Variants in TNFAIP8L1 observed in about 807,000 individuals in gnomAD.
TNFAIP8L1 encodes the protein tumor necrosis factor alpha-induced protein 8-like protein 1.
For missense variants in TNFAIP8L1, 225 were observed against 266.1 expected (o/e 0.85, Z 1.08); for synonymous variants, 127 against 125.6 (o/e 1.01, Z -0.08).
intron 1 of TNFAIP8L1, among the ~76,000 whole-genome samples, chr19:4,648,835 C>G (rs2088335505): frequency 1.3e-5 from 2 of 152,234 alleles, no homozygotes; most frequent in South Asian, 4.1e-4. Flanking sequence ...AGGCCTTTTC[C>G]TCTTCGAGTC....
intron 1 of TNFAIP8L1, among the ~76,000 whole-genome samples, chr19:4,648,272 C>T (rs1233468213): frequency 6.6e-6 from 1 of 152,216 alleles, no homozygotes; most frequent in Non-Finnish European, 1.5e-5. Flanking sequence ...GGGCGATGCC[C>T]CTAGGCCCCA....
At position 4,655,043 on chromosome 19, in the gene TNFAIP8L1, TCAC is replaced by T. The variant is rs1040557459; in HGVS notation, c.*2614_*2616del. 2.6e-5 allele frequency: 4 copies of T among 152,130 alleles called. No individual in the cohort carries two copies. Among genetic ancestry groups the T allele is most frequent in the Non-Finnish European group, 5.9e-5 (4 of 68,030 alleles). 9.4% of individuals were successfully genotyped at this position (152,130 alleles called of 1,614,324 possible). On this transcript the variant is annotated 3_prime_UTR_variant, in exon 2 of 2. Coordinates refer to ENST00000327473, the MANE Select transcript of TNFAIP8L1 (RefSeq NM_152362.3). The stretch of plus-strand genomic sequence containing the variant: ...TTTGTCTGCATTTAAAACCAAGAGA[TCAC>T]ACACACCTGTCTGGATTTGGAGTTT...
intron 1 of TNFAIP8L1, among the ~76,000 whole-genome samples, chr19:4,648,277 G>T (rs2088330395): frequency 1.3e-5 from 2 of 152,222 alleles, no homozygotes; most frequent in South Asian, 4.1e-4. Flanking sequence ...ATGCCCCTAG[G>T]CCCCAGGCAG....
In TNFAIP8L1 at chr19:4,652,590, A is replaced by C. The variant is rs1392152221; in HGVS notation, c.*160A>C. 1.5e-6 allele frequency: 1 copy of C among 678,782 alleles called. No homozygotes were observed. Among genetic ancestry groups the C allele is most frequent in the Non-Finnish European group, 2.4e-6 (1 of 421,258 alleles). 42.0% of individuals were successfully genotyped at this position (678,782 alleles called of 1,614,324 possible). On this transcript the variant is annotated 3_prime_UTR_variant, in exon 2 of 2. Transcript: ENST00000327473. ...ACCTGTCTCCTTTGAGAGGATGCTGAGGCATCTGTAGCAGCTGTTTCAAAC... is the reference window on the plus strand; with the variant it reads ...ACCTGTCTCCTTTGAGAGGATGCTGCGGCATCTGTAGCAGCTGTTTCAAAC...
chr19:4,643,233 C>T (rs1194892264), intron 1 of TNFAIP8L1, among the ~76,000 whole-genome samples: 1 of 151,114 alleles, frequency 6.6e-6, no homozygotes, highest in Non-Finnish European at 1.5e-5. Context: ...GAGCCGAGAT[C>T]ACGCCGCTGC....
rs1019704832 is a variant in TNFAIP8L1 at position 4,645,397 on chromosome 19, A to G, written c.-4+5768A>G. ...ACCCCGTCTCTACTAAAAATACACA[A>G]ATTTGTATTTTTGTACAAATACAAA... On this transcript the variant is annotated intron_variant, in intron 1 of 1. Transcript: ENST00000327473. The surrounding 1 kb of genome is among the most constrained non-coding windows in gnomAD (Gnocchi z 4.1). Among the ~76,000 whole-genome samples the G allele has an allele frequency of 5.9e-5, 9 of 151,940 alleles. No individual in the cohort carries two copies. Among genetic ancestry groups the G allele is most frequent in the African/African-American group, 2.2e-4 (9 of 41,356 alleles).
intron 1 of TNFAIP8L1, chr19:4,640,567 G>A (rs2088250181): frequency 6.6e-6 from 1 of 152,316 alleles, no homozygotes; most frequent in Admixed American, 6.5e-5. Flanking sequence ...ATTCTGCGGA[G>A]CCTCAGTTTC....
chr19:4,652,403 C>T lies in TNFAIP8L1; in HGVS notation c.534C>T (p.Gly178=). The change falls in exon 2 of 2, where the codon GGC becomes GGT. Residue 178 remains glycine, a synonymous_variant. Transcript: ENST00000327473. ...SHLRRICEGL[G]RMLDEGSL ...TGCGCAGGATCTGCGAGGGCCTGGG[C>T]CGGATGCTGGACGAGGGCAGCCTCT... 1 of 1,537,762 alleles carries T rather than the reference C, an allele frequency of 6.5e-7. No individual in the cohort carries two copies.
chr19:4,650,680 C>T (rs1444428602), intron 1 of TNFAIP8L1, among the ~76,000 whole-genome samples: 1 of 148,552 alleles, frequency 6.7e-6, no homozygotes, highest in Non-Finnish European at 1.5e-5. Context: ...CAGTCCCAGC[C>T]TGGACGGGGG....
intron 1 of TNFAIP8L1, among the ~76,000 whole-genome samples, chr19:4,650,381 G>A (rs561227461): frequency 6.6e-6 from 1 of 152,188 alleles, no homozygotes; most frequent in East Asian, 1.9e-4. Context: ...ACAGGGAAGA[G>A]TCAGGGCTCC....
At chr19:4,648,827 G>T (rs895096632) in intron 1 of TNFAIP8L1, among the ~76,000 whole-genome samples, 1 of 152,124 alleles carries the variant, frequency 6.6e-6, no homozygotes, top group Non-Finnish European at 1.5e-5. Flanking sequence ...GCAGAGAAAG[G>T]CCTTTTCCTC....
chr19:4,654,894 G>A lies in TNFAIP8L1; in HGVS notation c.*2464G>A, dbSNP rs2088409281. ...GGTGCCTGTGGGGGAGGTGAAACAA[G>A]GTCCCATGACTGTTTTGCAGAACCT... On this transcript the variant is annotated 3_prime_UTR_variant, in exon 2 of 2. Transcript: ENST00000327473. 6.6e-6 allele frequency: 1 copy of A among 152,226 alleles called. No homozygotes were observed. The highest frequency in any genetic ancestry group is 6.5e-5 in the Admixed American group (1 of 15,278). The allele number at this position is 152,226 out of a possible 1,614,324, so 9.4% of individuals were successfully genotyped here.
In TNFAIP8L1 at chr19:4,652,505, T is replaced by C; in HGVS notation, c.*75T>C. 7.2e-7 allele frequency: 1 copy of C among 1,382,218 alleles called. No individual in the cohort carries two copies. The highest frequency in any genetic ancestry group is 1.5e-5 in the South Asian group (1 of 65,974). 85.6% of individuals were successfully genotyped at this position (1,382,218 alleles called of 1,614,324 possible). A position where few individuals can be genotyped will look rare whatever the true frequency, so the allele number is the denominator to read the frequency against. On this transcript the variant is annotated 3_prime_UTR_variant, in exon 2 of 2. Transcript: ENST00000327473. ...CTGGGCGCGGGTGGGGTTTGTGGGT[T>C]TTTTTCCACCTCTTTTCTCCCAATC...
At chr19:4,643,300 T>C (rs1340303284) in intron 1 of TNFAIP8L1, among the ~76,000 whole-genome samples, 1 of 149,632 alleles carries the variant, frequency 6.7e-6, no homozygotes, top group Non-Finnish European at 1.5e-5. Flanking sequence ...AAAAGTGGGT[T>C]GCATTGGGAC....
At chr19:4,650,618 C>T (rs2088353054) in intron 1 of TNFAIP8L1, among the ~76,000 whole-genome samples, 1 of 152,044 alleles carries the variant, frequency 6.6e-6, no homozygotes, top group African/African-American at 2.4e-5. Context: ...CAGTGAGAGG[C>T]CTGGCCCTTA....
rs2088415878 is a variant in TNFAIP8L1, at chr19:4,655,542, TTAAA to T, written c.*3117_*3120del. On this transcript the variant is annotated 3_prime_UTR_variant, in exon 2 of 2. Coordinates refer to ENST00000327473, the MANE Select transcript of TNFAIP8L1 (RefSeq NM_152362.3). Reference sequence around the variant, plus strand: ...AAACCAAATAGGACTGCGGAACAATTTAAATAAAAGCACACACCAGCCTGGGCGC... The same window carrying T: ...AAACCAAATAGGACTGCGGAACAATTTAAAAGCACACACCAGCCTGGGCGC... 6.6e-6 allele frequency: 1 copy of T among 152,088 alleles called. No individual in the cohort carries two copies. The highest frequency in any genetic ancestry group is 2.4e-5 in the African/African-American group (1 of 41,386). 9.4% of individuals were successfully genotyped at this position (152,088 alleles called of 1,614,324 possible). A position where few individuals can be genotyped will look rare whatever the true frequency, so the allele number is the denominator to read the frequency against.
At chr19:4,649,844 C>T (rs1407912780) in intron 1 of TNFAIP8L1, among the ~76,000 whole-genome samples, 2 of 152,334 alleles carry the variant, frequency 1.3e-5, no homozygotes, top group East Asian at 3.9e-4. Context: ...AATTCCCGTG[C>T]CTGCCCTGAC....
Position 4,641,073 on chromosome 19 carries a change from GCTCTGCAGACGGGTGCAGGTCTGAGGC to G in TNFAIP8L1, c.-4+1446_-4+1472del, listed in dbSNP as rs1426422650. 1.3e-5 allele frequency: 2 copies of G among 152,286 alleles called. No individual in the cohort carries two copies. Among genetic ancestry groups the G allele is most frequent in the African/African-American group, 4.8e-5 (2 of 41,424 alleles). The allele number at this position is 152,286 out of a possible 1,614,324, so 9.4% of individuals were successfully genotyped here. On this transcript the variant is annotated intron_variant, in intron 1 of 1. Transcript: ENST00000327473. The surrounding 1 kb of genome is among the most constrained non-coding windows in gnomAD (Gnocchi z 4.6). ...TGAACCCTGCTCCAATGGTGGGGTGGCTCTGCAGACGGGTGCAGGTCTGAGGCCCCGCGGTACGGCCCCTCCCACTGT... is the reference window on the plus strand; with the variant it reads ...TGAACCCTGCTCCAATGGTGGGGTGGCCCGCGGTACGGCCCCTCCCACTGT...
Position 4,651,869 on chromosome 19 carries a change from C to T in TNFAIP8L1, c.-1C>T, listed in dbSNP as rs756766047. On this transcript the variant is annotated splice_region_variant and 5_prime_UTR_variant, in exon 2 of 2. Transcript: ENST00000327473. ...GGGCTGGTCTGTGTCCCCCGCAGGCCATGGACACCTTCAGCACCAAGAGCC... is the reference window on the plus strand; with the variant it reads ...GGGCTGGTCTGTGTCCCCCGCAGGCTATGGACACCTTCAGCACCAAGAGCC... The T allele has an allele frequency of 4.4e-6, 7 of 1,597,972 alleles. No individual in the cohort carries two copies. The highest frequency in any genetic ancestry group is 1.7e-4 in the Middle Eastern group (1 of 5,780).
Sources: gnomAD v4.1 joint callset for allele counts (sites outside exome capture counted in the v4.1 genomes callset) on GRCh38, gnomAD v4.1.1 for gene constraint, Gnocchi (gnomAD v3.1) non-coding constraint, MANE v1.5 for transcripts, NCBI Gene and HGNC (gene_info 2026-07-23, HGNC 2026-07-21) for gene names.